PSD3: variants seen among roughly 807,000 people sequenced by gnomAD.
The protein encoded by PSD3 is pleckstrin and Sec7 domain containing 3.
A neutral mutation model predicts 105.5 loss-of-function variants in PSD3; 49 were observed. That is an observed-to-expected ratio of 0.46 (90% CI 0.37 to 0.59). The LOEUF is 0.59. Among genes scored for constraint, PSD3 ranks in the 20% least tolerant of loss-of-function variants. The probability of loss-of-function intolerance (pLI) is 0.00; values close to 1 mark genes in which losing one functional copy is unlikely to be tolerated. For missense variants in PSD3, 1,561 were observed against 1,263.8 expected (o/e 1.24, Z -3.57); for synonymous variants, 557 against 457.8 (o/e 1.22, Z -2.77).
chr8:19,046,434 C>A (rs1253800456), intron 1 of PSD3, among the ~76,000 whole-genome samples: 1 of 152,092 alleles, frequency 6.6e-6, no homozygotes, highest in African/African-American at 2.4e-5. Context: ...TACTTCTGAC[C>A]TTTTCATCAT....
At chr8:18,806,712 T>G (rs1213794597) in intron 4 of PSD3, among the ~76,000 whole-genome samples, 1 of 152,192 alleles carries the variant, frequency 6.6e-6, no homozygotes, top group East Asian at 1.9e-4. Context: ...CTGGGCTGAA[T>G]TGGGCCCATG....
intron 10 of PSD3, among the ~76,000 whole-genome samples, chr8:18,633,970 C>A (rs1585448683): frequency 6.6e-6 from 1 of 151,154 alleles, no homozygotes; most frequent in Admixed American, 6.6e-5. Flanking sequence ...TGACTGGTGT[C>A]AGATGGTATC....
chr8:18,678,004 T>C lies in PSD3; in HGVS notation c.2173-22319A>G, dbSNP rs542554777. On this transcript the variant is annotated intron_variant, in intron 9 of 15. Coordinates refer to ENST00000327040, the MANE Select transcript of PSD3 (RefSeq NM_015310.4). ...CAGCCTGGGCAGCAGAGCGAGACTC[T>C]GTCTCAAAAAAAAAAAAACAAAGTA... Among the ~76,000 whole-genome samples, 494 of 61,664 alleles carry C rather than the reference T, an allele frequency of 8.0e-3. 2 individuals are homozygous for C. Among genetic ancestry groups the C allele is most frequent in the Admixed American group, 0.015 (82 of 5,344 alleles). 40.5% of individuals were successfully genotyped at this position (61,664 alleles called of 152,430 possible).
intron 9 of PSD3, among the ~76,000 whole-genome samples, chr8:18,698,342 C>A (rs1801379420): frequency 6.6e-6 from 1 of 152,092 alleles, no homozygotes; most frequent in South Asian, 2.1e-4. Flanking sequence ...TGGTCTCTAA[C>A]TCCTGGGCTC....
At chr8:19,043,740 C>T (rs910534610) in intron 1 of PSD3, among the ~76,000 whole-genome samples, 5 of 152,126 alleles carry the variant, frequency 3.3e-5, no homozygotes, top group East Asian at 3.8e-4. Context: ...TGCCATTTCC[C>T]CTTTTGCCAC....
intron 9 of PSD3, among the ~76,000 whole-genome samples, chr8:18,669,659 G>T (rs551146415): frequency 1.3e-5 from 2 of 152,316 alleles, no homozygotes; most frequent in East Asian, 3.9e-4. Context: ...ACGCCGGATG[G>T]CATGAGATTT....
chr8:19,037,190 T>C (rs1827972991), intron 1 of PSD3, among the ~76,000 whole-genome samples: 1 of 152,236 alleles, frequency 6.6e-6, no homozygotes, highest in African/African-American at 2.4e-5. Flanking sequence ...GGCAAATCAA[T>C]GATAGAACTT....
At chr8:18,662,663 GC>G (rs1308919456) in intron 9 of PSD3, among the ~76,000 whole-genome samples, 1 of 152,034 alleles carries the variant, frequency 6.6e-6, no homozygotes, top group Non-Finnish European at 1.5e-5. Context: ...AGTGTTCTTT[GC>G]CCCCTTCCAG....
intron 8 of PSD3, among the ~76,000 whole-genome samples, chr8:18,771,521 C>A (rs557665219): frequency 1.3e-5 from 2 of 152,124 alleles, no homozygotes; most frequent in African/African-American, 4.8e-5. Flanking sequence ...CATTTTTGTA[C>A]GATAGAAAGC....
chr8:18,997,334 C>A (rs1826135372), intron 1 of PSD3, among the ~76,000 whole-genome samples: 1 of 151,756 alleles, frequency 6.6e-6, no homozygotes, highest in Non-Finnish European at 1.5e-5. Context: ...TGCAAGTCAC[C>A]CATGCTTTCT....
chr8:18,942,586 C>G (rs1822616896), intron 1 of PSD3, among the ~76,000 whole-genome samples: 1 of 152,190 alleles, frequency 6.6e-6, no homozygotes, highest in African/African-American at 2.4e-5. Flanking sequence ...AAAATGAAAT[C>G]AGTAGAGTGT....
intron 11 of PSD3, among the ~76,000 whole-genome samples, chr8:18,614,410 A>AT (rs1380674249): frequency 7.9e-6 from 1 of 126,446 alleles, no homozygotes; most frequent in Non-Finnish European, 1.7e-5. Flanking sequence ...TATTACCGGG[A>AT]ATTTTTTTTT....
intron 1 of PSD3, among the ~76,000 whole-genome samples, chr8:19,012,020 C>G (rs1185385305): frequency 1.3e-5 from 2 of 152,200 alleles, no homozygotes; most frequent in African/African-American, 4.8e-5. Context: ...GAGCATCTAC[C>G]TAATCCCCTC....
intron 4 of PSD3, among the ~76,000 whole-genome samples, chr8:18,816,444 C>T (rs1027088406): frequency 1.3e-5 from 2 of 152,176 alleles, no homozygotes; most frequent in African/African-American, 4.8e-5. Flanking sequence ...AGCTATGTGG[C>T]TTTCTAACCG....
In PSD3 at chr8:18,980,573, T is replaced by A. The variant is rs144753493; in HGVS notation, c.21+32990A>T. Among the ~76,000 whole-genome samples, 881 of 152,248 alleles carry A rather than the reference T, an allele frequency of 5.8e-3. 1 individual carries two copies. The highest frequency in any genetic ancestry group is 8.0e-3 in the Non-Finnish European group (543 of 68,000). ...AATACATTAGGGTTTACATCTACCA[T>A]CTTATTTGTGCTATTCATCTCATCT... On this transcript the variant is annotated intron_variant, in intron 1 of 15. Coordinates refer to ENST00000327040, the MANE Select transcript of PSD3 (RefSeq NM_015310.4).
intron 1 of PSD3, among the ~76,000 whole-genome samples, chr8:19,000,427 G>C: frequency 6.7e-6 from 1 of 150,108 alleles, no homozygotes; most frequent in Non-Finnish European, 1.5e-5. Context: ...AAAAAAACCT[G>C]ATACAATCAA....
intron 3 of PSD3, 35 bp from the exon 4 acceptor site, chr8:18,868,104 T>G: frequency 1.3e-6 from 2 of 1,542,184 alleles, no homozygotes; most frequent in East Asian, 2.3e-5. Flanking sequence ...ATTCCAATAT[T>G]AGGTTAATGT....
intron 9 of PSD3, among the ~76,000 whole-genome samples, chr8:18,663,012 AACAGTTT>A (rs1349834679): frequency 6.6e-6 from 1 of 152,188 alleles, no homozygotes; most frequent in African/African-American, 2.4e-5. Flanking sequence ...TCTGAGCTAC[AACAGTTT>A]GAACCACCAT....
At chr8:18,746,729 T>C (rs1243459757) in intron 9 of PSD3, among the ~76,000 whole-genome samples, 1 of 152,268 alleles carries the variant, frequency 6.6e-6, no homozygotes, top group African/African-American at 2.4e-5. Context: ...TTCTTTCCTT[T>C]TCCATTCCCT....
Sources: allele counts gnomAD v4.1 joint callset (sites outside exome capture counted in the v4.1 genomes callset), GRCh38; gene constraint gnomAD v4.1.1; transcripts MANE v1.5; gene names NCBI Gene and HGNC (gene_info 2026-07-23, HGNC 2026-07-21).